The following MAP3K5 variants were observed in gnomAD, a reference collection of about 807,000 sequenced individuals.
MAP3K5 encodes the protein mitogen-activated protein kinase kinase kinase 5.
MAP3K5 carries 56 observed loss-of-function variants against 158.7 expected under a neutral mutation model. The ratio of observed to expected loss-of-function variants is 0.35; its 90% confidence interval spans 0.28 to 0.44. The LOEUF is 0.44. MAP3K5 is among the 20% of genes least tolerant of loss of function. MAP3K5 has a pLI of 1.00. For synonymous variants in MAP3K5, 579 were observed against 601.7 expected, an observed-to-expected ratio of 0.96 and a Z score of 0.55; for missense variants, 1,294 against 1,674.8, an observed-to-expected ratio of 0.77 and a Z score of 3.97.
intron 24 of MAP3K5, among the ~76,000 whole-genome samples, chr6:136,582,431 T>G (rs1260189585): frequency 6.6e-6 from 1 of 152,196 alleles, no homozygotes; most frequent in Non-Finnish European, 1.5e-5. Flanking sequence ...ATTAGCTAAA[T>G]TATTTCACTC....
chr6:136,693,670 G>T (rs9494558), intron 7 of MAP3K5, among the ~76,000 whole-genome samples: 8,637 of 151,690 alleles, frequency 0.057, 822 homozygotes, highest in African/African-American at 0.2. Context: ...TATGTTAAAT[G>T]AATTTCATCA....
At chr6:136,713,511 T>C (rs189152908) in intron 2 of MAP3K5, among the ~76,000 whole-genome samples, 23 of 152,302 alleles carry the variant, frequency 1.5e-4, no homozygotes, top group Admixed American at 5.2e-4. Flanking sequence ...GATTCTACAA[T>C]TGGGAAGTCA....
At chr6:136,576,517 G>A (rs1774625400) in intron 25 of MAP3K5, among the ~76,000 whole-genome samples, 1 of 151,968 alleles carries the variant, frequency 6.6e-6, no homozygotes, top group Non-Finnish European at 1.5e-5. Flanking sequence ...ATTTTGGCCA[G>A]GCTGGTCTCA....
intron 7 of MAP3K5, among the ~76,000 whole-genome samples, chr6:136,684,907 T>C (rs183841604): frequency 2.6e-5 from 4 of 152,354 alleles, no homozygotes; most frequent in African/African-American, 9.6e-5. Flanking sequence ...TAGAGAACTA[T>C]GTTTTTAATG....
intron 17 of MAP3K5, 142 bp downstream of exon 17, chr6:136,612,978 C>T (rs375870504): frequency 2.8e-5 from 22 of 778,268 alleles, no homozygotes; most frequent in South Asian, 6.3e-5. Context: ...CAGGGTTGAA[C>T]GATATTTTAT....
At chr6:136,622,733 C>T in intron 15 of MAP3K5, 115 bp downstream of exon 15, 2 of 1,162,704 alleles carry the variant, frequency 1.7e-6, no homozygotes, top group Non-Finnish European at 2.5e-6. Context: ...GGAGCTAATT[C>T]ACAGAGTGAA....
chr6:136,695,189 G>A (rs1414762420), intron 6 of MAP3K5, among the ~76,000 whole-genome samples: 2 of 152,070 alleles, frequency 1.3e-5, no homozygotes, highest in Non-Finnish European at 2.9e-5. Context: ...CCAGGCTGGA[G>A]GGCAGTGGCA....
intron 1 of MAP3K5, among the ~76,000 whole-genome samples, chr6:136,750,147 G>A (rs1192927762): frequency 6.6e-6 from 1 of 152,102 alleles, no homozygotes; most frequent in Non-Finnish European, 1.5e-5. Flanking sequence ...GCATGATCTC[G>A]GCTCATTGTA....
At chr6:136,583,945 G>A (rs2129076723) in intron 23 of MAP3K5, among the ~76,000 whole-genome samples, 1 of 152,198 alleles carries the variant, frequency 6.6e-6, no homozygotes. Flanking sequence ...TTCCAGGCAT[G>A]AGCCACCATA....
At chr6:136,653,667 T>C (rs1388652951) in intron 10 of MAP3K5, among the ~76,000 whole-genome samples, 1 of 152,256 alleles carries the variant, frequency 6.6e-6, no homozygotes, top group Admixed American at 6.5e-5. Context: ...AAATCATCTA[T>C]ATGGCTTTCA....
rs554425874 is a variant in MAP3K5 at position 136,677,739 on chromosome 6, G to C, written c.1254-8344C>G. ...GACACACAACCAAGTCTGGTGTCAA[G>C]GGTGGGAATATTTAATCTTCCTACA... On this transcript the variant is annotated intron_variant, in intron 7 of 29. Transcript: ENST00000359015. Among the ~76,000 whole-genome samples, 22 of 152,342 alleles carry C rather than the reference G, an allele frequency of 1.4e-4. No homozygotes were observed. In the South Asian group the frequency reaches 4.6e-3, roughly 32 times the overall value.
In MAP3K5 at chr6:136,676,798, T is replaced by C. The variant is rs572027029; in HGVS notation, c.1254-7403A>G. Among the ~76,000 whole-genome samples the C allele has an allele frequency of 1.4e-4, 21 of 149,438 alleles. No individual in the cohort carries two copies. The South Asian group carries it at 1.7e-3, about 12-fold the overall frequency. On this transcript the variant is annotated intron_variant, in intron 7 of 29. Coordinates refer to ENST00000359015, the MANE Select transcript of MAP3K5 (RefSeq NM_005923.4). ...GTTAATTTTTCTTTTCTTTTCTTTT[T>C]TTTTTTTTTTTGAGACAGAGTCTCA...
At chr6:136,746,932 T>C (rs191351258) in intron 1 of MAP3K5, among the ~76,000 whole-genome samples, 1 of 152,358 alleles carries the variant, frequency 6.6e-6, no homozygotes, top group East Asian at 1.9e-4. Context: ...CTTCTACTGA[T>C]TCACTGCTTC....
At chr6:136,766,876 T>C (rs1371309949) in intron 1 of MAP3K5, among the ~76,000 whole-genome samples, 1 of 152,196 alleles carries the variant, frequency 6.6e-6, no homozygotes, top group Admixed American at 6.5e-5. Context: ...TAAGTTTTTT[T>C]CTTACAAAAA....
At chr6:136,603,176 CTTT>C (rs397962146) in intron 19 of MAP3K5, among the ~76,000 whole-genome samples, 2 of 139,436 alleles carry the variant, frequency 1.4e-5, no homozygotes, top group African/African-American at 2.6e-5. Context: ...TATACAGGTA[CTTT>C]TTTTTTTTTT....
At chr6:136,624,426 A>C (rs1210337424) in intron 14 of MAP3K5, among the ~76,000 whole-genome samples, 2 of 152,230 alleles carry the variant, frequency 1.3e-5, no homozygotes, top group Admixed American at 1.3e-4. Flanking sequence ...CAGATTTTAA[A>C]ATAGAGAATC....
At chr6:136,662,462 A>G (rs941451056) in intron 8 of MAP3K5, among the ~76,000 whole-genome samples, 2 of 152,174 alleles carry the variant, frequency 1.3e-5, no homozygotes, top group African/African-American at 4.8e-5. Flanking sequence ...AGTTAAGAAC[A>G]TGGCTCTAAT....
At chr6:136,596,619 C>CA (rs1775644499) in intron 21 of MAP3K5, among the ~76,000 whole-genome samples, 1 of 152,136 alleles carries the variant, frequency 6.6e-6, no homozygotes, top group South Asian at 2.1e-4. Flanking sequence ...CTGGAGGAGT[C>CA]ACGGGGGCTC....
At chr6:136,627,287 A>C (rs1244918567) in intron 14 of MAP3K5, among the ~76,000 whole-genome samples, 1 of 152,180 alleles carries the variant, frequency 6.6e-6, no homozygotes, top group African/African-American at 2.4e-5. Flanking sequence ...TCTGCAAAAA[A>C]AAAGTTCAGA....
Sources: gnomAD v4.1 joint callset for allele counts (sites outside exome capture counted in the v4.1 genomes callset) on GRCh38, gnomAD v4.1.1 for gene constraint, MANE v1.5 for transcripts, NCBI Gene and HGNC (gene_info 2026-07-23, HGNC 2026-07-21) for gene names.